Variants in DLGAP2 observed in about 807,000 individuals in gnomAD.
DLGAP2 encodes the protein disks large-associated protein 2.
A neutral mutation model predicts 100.3 loss-of-function variants in DLGAP2; 26 were observed. That is an observed-to-expected ratio of 0.26 (90% CI 0.19 to 0.36). DLGAP2 has a LOEUF of 0.36. DLGAP2 is among the 10% of genes least tolerant of loss of function. The probability of loss-of-function intolerance (pLI) is 1.00; values close to 1 mark genes in which losing one functional copy is unlikely to be tolerated. For missense variants in DLGAP2, 1,858 were observed against 1,453.2 expected, an observed-to-expected ratio of 1.28 and a Z score of -4.53; for synonymous variants, 886 against 630.1, an observed-to-expected ratio of 1.41 and a Z score of -6.08.
Position 1,116,658 on chromosome 8 carries a change from C to T in DLGAP2, c.74-142193C>T, listed in dbSNP as rs1021163728. On this transcript the variant is annotated intron_variant, in intron 2 of 14. Coordinates refer to ENST00000637795, the MANE Select transcript of DLGAP2 (RefSeq NM_001346810.2). ...AAAAAAATAAAAACAGTTAGCCACACGTGGTGGCATGCCTGTAGTCCCAGC... is the reference window on the plus strand; with the variant it reads ...AAAAAAATAAAAACAGTTAGCCACATGTGGTGGCATGCCTGTAGTCCCAGC... 3.3e-5 allele frequency among the ~76,000 whole-genome samples: 5 copies of T among 152,068 alleles called. No individual in the cohort carries two copies. The East Asian group carries it at 7.7e-4, about 24-fold the overall frequency.
chr8:950,780 C>T (rs1001014528), intron 2 of DLGAP2, among the ~76,000 whole-genome samples: 4 of 151,874 alleles, frequency 2.6e-5, no homozygotes, highest in African/African-American at 9.7e-5. Context: ...TGCCACCGTG[C>T]CCGGCTAATT....
At chr8:1,087,796 T>A (rs141379940) in intron 2 of DLGAP2, among the ~76,000 whole-genome samples, 24 of 152,344 alleles carry the variant, frequency 1.6e-4, no homozygotes, top group Non-Finnish European at 3.2e-4. Context: ...TTTTACTGTC[T>A]CCTGACCCTC....
At chr8:1,357,436 C>G (rs1264436680) in intron 3 of DLGAP2, among the ~76,000 whole-genome samples, 1 of 141,826 alleles carries the variant, frequency 7.1e-6, no homozygotes, top group East Asian at 2.1e-4. Flanking sequence ...ATTATTAAAA[C>G]AGTCACTGCA....
intron 2 of DLGAP2, among the ~76,000 whole-genome samples, chr8:1,094,403 A>T (rs1205892733): frequency 6.6e-6 from 1 of 152,256 alleles, no homozygotes; most frequent in Non-Finnish European, 1.5e-5. Context: ...TCCAGTATTT[A>T]CGGTAAAACT....
At chr8:748,099 C>G (rs529874612) in intron 1 of DLGAP2, among the ~76,000 whole-genome samples, 1 of 27,170 alleles carries the variant, frequency 3.7e-5, no homozygotes, top group East Asian at 1.1e-3. Flanking sequence ...GTGGGATGGG[C>G]GGGTCTGCGG....
At chr8:1,417,680 G>GGGA (rs1180924615) in intron 3 of DLGAP2, among the ~76,000 whole-genome samples, 2 of 128,360 alleles carry the variant, frequency 1.6e-5, no homozygotes, top group Non-Finnish European at 3.4e-5. Flanking sequence ...CGAGGCTCCA[G>GGGA]GGGGGCACAG....
chr8:1,211,112 C>G (rs1259332165), intron 2 of DLGAP2, among the ~76,000 whole-genome samples: 1 of 152,214 alleles, frequency 6.6e-6, no homozygotes, highest in Non-Finnish European at 1.5e-5. Context: ...CGTTTCCAAG[C>G]TTATTTTGAA....
At chr8:966,827 T>C (rs1303547131) in intron 2 of DLGAP2, among the ~76,000 whole-genome samples, 2 of 152,250 alleles carry the variant, frequency 1.3e-5, no homozygotes, top group East Asian at 3.8e-4. Context: ...CCAGCTTTAT[T>C]TCCACGCCTG....
rs1227079430 is a variant in DLGAP2, at chr8:1,224,018, A to G, written c.74-34833A>G. Among the ~76,000 whole-genome samples the G allele has an allele frequency of 3.9e-5, 6 of 152,302 alleles. No individual in the cohort carries two copies. The East Asian group carries it at 5.8e-4, about 15-fold the overall frequency. On this transcript the variant is annotated intron_variant, in intron 2 of 14. Coordinates refer to ENST00000637795, the MANE Select transcript of DLGAP2 (RefSeq NM_001346810.2). ...TTGTTTCCCCTTGATGTGGATTAATATGAAGGCAGATTCAAGTTAAGCAAT... is the reference window on the plus strand; with the variant it reads ...TTGTTTCCCCTTGATGTGGATTAATGTGAAGGCAGATTCAAGTTAAGCAAT...
Position 1,548,703 on chromosome 8 carries a change from C to T in DLGAP2, c.250C>T (p.Leu84Phe). The change falls in exon 5 of 15, where the codon CTT (leucine) becomes TTT (phenylalanine). Residue 84 changes from leucine (L) to phenylalanine (F), a missense_variant. Coordinates refer to ENST00000637795, the MANE Select transcript of DLGAP2 (RefSeq NM_001346810.2). ...YSPAPRSMKG[L>F]SGSRTQPPLC... ...GCCCGCGCCCAGGAGCATGAAGGGCCTTTCCGGAAGTCGGACCCAGCCGCC... is the reference window on the plus strand; with the variant it reads ...GCCCGCGCCCAGGAGCATGAAGGGCTTTTCCGGAAGTCGGACCCAGCCGCC... 6.2e-7 allele frequency: 1 copy of T among 1,607,444 alleles called. No individual in the cohort carries two copies. The highest frequency in any genetic ancestry group is 8.5e-7 in the Non-Finnish European group (1 of 1,178,226).
chr8:1,310,523 G>T (rs1800589589), intron 3 of DLGAP2, among the ~76,000 whole-genome samples: 1 of 152,178 alleles, frequency 6.6e-6, no homozygotes, highest in South Asian at 2.1e-4. Flanking sequence ...GCATCCACCT[G>T]ACAACAGTGG....
intron 3 of DLGAP2, among the ~76,000 whole-genome samples, chr8:1,306,730 A>C (rs943280845): frequency 3.3e-5 from 5 of 152,218 alleles, no homozygotes; most frequent in African/African-American, 1.2e-4. Flanking sequence ...TAGAGAGTCC[A>C]GAAATAAACC....
chr8:1,436,071 A>C (rs1211311053), intron 3 of DLGAP2, among the ~76,000 whole-genome samples: 1 of 152,190 alleles, frequency 6.6e-6, no homozygotes, highest in Non-Finnish European at 1.5e-5. Flanking sequence ...CTAGAGGGAC[A>C]GGACTAATAG....
At position 913,484 on chromosome 8, in the gene DLGAP2, G is replaced by C. The variant is rs545947627; in HGVS notation, c.73+5518G>C. Among the ~76,000 whole-genome samples the C allele has an allele frequency of 5.5e-4, 84 of 152,348 alleles. 1 individual carries two copies. The South Asian group carries it at 0.017, about 30-fold the overall frequency. Reference sequence around the variant, plus strand: ...GGCGTGAGCGTATATGTTGAAATGAGTCTTGACTCCATTAGTGTCACACCT... The same window carrying C: ...GGCGTGAGCGTATATGTTGAAATGACTCTTGACTCCATTAGTGTCACACCT... On this transcript the variant is annotated intron_variant, in intron 2 of 14. Coordinates refer to ENST00000637795, the MANE Select transcript of DLGAP2 (RefSeq NM_001346810.2).
intron 6 of DLGAP2, among the ~76,000 whole-genome samples, chr8:1,614,009 C>CA (rs1444901409): frequency 6.6e-6 from 1 of 152,194 alleles, no homozygotes; most frequent in Non-Finnish European, 1.5e-5. Flanking sequence ...TGACAGGTCT[C>CA]AGACTCGGCG....
intron 2 of DLGAP2, among the ~76,000 whole-genome samples, chr8:1,103,430 T>TTGGTTAACGGTGATGACTGGCGGGGCC (rs1804652835): frequency 1.4e-5 from 2 of 139,680 alleles, no homozygotes; most frequent in Non-Finnish European, 3.1e-5. Flanking sequence ...CTGGCAGGGC[T>TTGGTTAACGGTGATGACTGGCGGGGCC]TTGGTTAACG....
chr8:1,637,456 C>A (rs1797795202), intron 8 of DLGAP2, among the ~76,000 whole-genome samples: 1 of 151,938 alleles, frequency 6.6e-6, no homozygotes, highest in Non-Finnish European at 1.5e-5. Flanking sequence ...CATAGCTTTC[C>A]ATAAGTCAAC....
chr8:947,314 C>T (rs369130079), intron 2 of DLGAP2, among the ~76,000 whole-genome samples: 9 of 152,136 alleles, frequency 5.9e-5, no homozygotes, highest in Middle Eastern at 3.2e-3. Context: ...GCCCTGGGGA[C>T]GGGGGCAGGG....
At chr8:1,314,297 T>G (rs1800678254) in intron 3 of DLGAP2, among the ~76,000 whole-genome samples, 1 of 152,336 alleles carries the variant, frequency 6.6e-6, no homozygotes, top group East Asian at 1.9e-4. Context: ...AGTAGAGGTT[T>G]TCTTTGCACC....
Sources: allele counts gnomAD v4.1 joint callset (sites outside exome capture counted in the v4.1 genomes callset), GRCh38; gene constraint gnomAD v4.1.1; transcripts MANE v1.5; gene names NCBI Gene and HGNC (gene_info 2026-07-23, HGNC 2026-07-21).